The following MIER1 variants were observed in gnomAD, a reference collection of about 807,000 sequenced individuals.
The protein encoded by MIER1 is mesoderm induction early response protein 1.
In MIER1, 40 loss-of-function variants were observed where a neutral mutation model predicts 75.7. The ratio of observed to expected loss-of-function variants is 0.53; its 90% CI spans 0.41 to 0.69. The LOEUF is 0.69. MIER1 is among the 30% of genes least tolerant of loss of function. The probability of loss-of-function intolerance (pLI) is 0.00; values close to 1 mark genes in which losing one functional copy is unlikely to be tolerated. For synonymous variants in MIER1, 213 were observed against 223.4 expected (o/e 0.95, Z 0.42); for missense variants, 574 against 680.2 (o/e 0.84, Z 1.74).
intron 3 of MIER1, among the ~76,000 whole-genome samples, chr1:66,945,267 G>GTATATATATATATA (rs66525570): frequency 7.0e-6 from 1 of 141,872 alleles, no homozygotes; most frequent in Non-Finnish European, 1.5e-5. Context: ...TCTGGTGTGT[G>GTATATATATATATA]TATATATATA....
intron 1 of MIER1, 43 bp from the exon 2 acceptor site, chr1:66,926,099 T>C: frequency 6.7e-7 from 1 of 1,490,406 alleles, no homozygotes; most frequent in Non-Finnish European, 9.4e-7. Flanking sequence ...TGTATCATCG[T>C]TTCTGTCTCC....
chr1:66,971,070 C>A, intron 9 of MIER1, 111 bp downstream of exon 9: 1 of 960,542 alleles, frequency 1.0e-6, no homozygotes, highest in East Asian at 3.0e-5. Context: ...ACATTATTGA[C>A]AGGGAATCTG....
chr1:66,950,298 G>A (rs1383786860), intron 4 of MIER1, among the ~76,000 whole-genome samples: 2 of 152,032 alleles, frequency 1.3e-5, no homozygotes, highest in Non-Finnish European at 2.9e-5. Flanking sequence ...TAATAGAGAT[G>A]AGGTTTCACC....
chr1:66,971,522 ATATAT>A, intron 9 of MIER1, 128 bp from the exon 10 acceptor site: 1 of 556,574 alleles, frequency 1.8e-6, no homozygotes. Flanking sequence ...GGAGTTCTCT[ATATAT>A]AACATTCACT....
At chr1:66,979,376 A>G (rs954088204) in intron 12 of MIER1, among the ~76,000 whole-genome samples, 2 of 152,198 alleles carry the variant, frequency 1.3e-5, no homozygotes, top group African/African-American at 4.8e-5. Context: ...TTCAGAGCAC[A>G]TTATCCTGAA....
At chr1:66,929,054 T>TA in intron 2 of MIER1, 1 of 814,474 alleles carries the variant, frequency 1.2e-6, no homozygotes, top group Non-Finnish European at 2.0e-6. Context: ...AGTTTCAAAT[T>TA]AACATTGAAT....
At chr1:66,963,055 T>A (rs748512587) in intron 7 of MIER1, 33 bp from the exon 8 acceptor site, 2 of 1,413,772 alleles carry the variant, frequency 1.4e-6, no homozygotes, top group East Asian at 2.3e-5. Context: ...TGTTACTAGA[T>A]CTTACTAATG....
chr1:66,962,396 A>C (rs1012597398), intron 7 of MIER1, among the ~76,000 whole-genome samples: 8 of 152,102 alleles, frequency 5.3e-5, no homozygotes, highest in African/African-American at 1.9e-4. Context: ...TCCTACTTTG[A>C]AGCTCTGTTT....
intron 8 of MIER1, among the ~76,000 whole-genome samples, chr1:66,966,456 T>C (rs1446006148): frequency 6.6e-6 from 1 of 152,226 alleles, no homozygotes; most frequent in East Asian, 1.9e-4. Flanking sequence ...TTGGGTTGGT[T>C]CCAAGTCTTT....
intron 2 of MIER1, chr1:66,930,156 G>T (rs996743485): frequency 3.3e-6 from 4 of 1,229,950 alleles, no homozygotes; most frequent in Non-Finnish European, 3.1e-6. Context: ...CCCCTGCTCC[G>T]GCGCGTGCTC....
chr1:66,978,549 A>G (rs1395689816), intron 12 of MIER1, among the ~76,000 whole-genome samples: 1 of 152,230 alleles, frequency 6.6e-6, no homozygotes, highest in African/African-American at 2.4e-5. Flanking sequence ...CAAGCATAAT[A>G]ATATAGAATT....
chr1:66,928,943 CTTT>C, intron 2 of MIER1: 4 of 1,606,642 alleles, frequency 2.5e-6, no homozygotes, highest in Non-Finnish European at 2.6e-6. Flanking sequence ...TCTGTGGACT[CTTT>C]TCCTGTCAAA....
At chr1:66,974,929 A>G (rs187521476) in intron 11 of MIER1, among the ~76,000 whole-genome samples, 1 of 152,268 alleles carries the variant, frequency 6.6e-6, no homozygotes, top group Admixed American at 6.5e-5. Context: ...TTTTGCTTTC[A>G]GTAAAGTACA....
At chr1:66,943,725 C>G (rs1656797000) in intron 3 of MIER1, among the ~76,000 whole-genome samples, 1 of 152,012 alleles carries the variant, frequency 6.6e-6, no homozygotes, top group Non-Finnish European at 1.5e-5. Context: ...TGGCCTAATA[C>G]CAATATTTTC....
chr1:66,948,350 A>G (rs1484110914), intron 4 of MIER1: 3 of 487,480 alleles, frequency 6.2e-6, no homozygotes, highest in Non-Finnish European at 8.0e-6. Flanking sequence ...TTATACTTTT[A>G]TGGTAATAAA....
At chr1:66,968,890 C>T (rs904817000) in intron 8 of MIER1, among the ~76,000 whole-genome samples, 1 of 152,110 alleles carries the variant, frequency 6.6e-6, no homozygotes, top group Non-Finnish European at 1.5e-5. Context: ...ACATTTGGTG[C>T]CTAAGTGAAT....
At chr1:66,943,648 G>C (rs746089811) in intron 3 of MIER1, among the ~76,000 whole-genome samples, 1 of 151,734 alleles carries the variant, frequency 6.6e-6, no homozygotes, top group Non-Finnish European at 1.5e-5. Flanking sequence ...CTGAACCCCT[G>C]AGCTCAAGCA....
In MIER1 at chr1:66,976,684, A is replaced by G. The variant is rs1316000003; in HGVS notation, c.1191A>G (p.Arg397=). 6.2e-6 allele frequency: 10 copies of G among 1,606,348 alleles called. No individual in the cohort carries two copies. The highest frequency in any genetic ancestry group is 2.7e-5 in the African/African-American group (2 of 74,612). ...ATGATTTCTTTGCTCAGCAAACACG[A>G]TTTGGAAAGAAGAAATATAATCTTC... ...ERYDFFAQQT[R]FGKKKYNLHP... The change falls in exon 12 of 14, where the codon CGA becomes CGG. Residue 397 remains arginine (R), a synonymous_variant. Transcript: ENST00000401041.
intron 3 of MIER1, among the ~76,000 whole-genome samples, chr1:66,945,664 C>G (rs1218655384): frequency 1.3e-5 from 2 of 152,108 alleles, no homozygotes; most frequent in Non-Finnish European, 2.9e-5. Context: ...GAGTTCAAGA[C>G]CAGCCAGGGC....
Sources: allele counts gnomAD v4.1 joint callset (sites outside exome capture counted in the v4.1 genomes callset), GRCh38; gene constraint gnomAD v4.1.1; transcripts MANE v1.5; gene names NCBI Gene and HGNC (gene_info 2026-07-23, HGNC 2026-07-21).